MAGI1: variants seen among roughly 807,000 people sequenced by gnomAD.
MAGI1 encodes membrane associated guanylate kinase, WW and PDZ domain containing 1.
In MAGI1, 58 loss-of-function variants were observed where a neutral mutation model predicts 139.9. That is an observed-to-expected ratio of 0.41 (90% CI 0.34 to 0.52). The LOEUF (loss-of-function observed/expected upper bound fraction) is 0.52, where lower values mean the gene tolerates loss of function less well. Among genes scored for constraint, MAGI1 ranks in the 20% least tolerant of loss-of-function variants. The probability of loss-of-function intolerance (pLI) is 0.12; values close to 1 mark genes in which losing one functional copy is unlikely to be tolerated. For synonymous variants in MAGI1, 812 were observed against 737.9 expected (o/e 1.10, Z -1.63); for missense variants, 1,874 against 1,901.6 (o/e 0.99, Z 0.27).
chr3:65,439,829 T>G (rs760750974), intron 9 of MAGI1, 50 bp downstream of exon 9: 17 of 1,603,484 alleles, frequency 1.1e-5, no homozygotes, highest in Admixed American at 1.7e-5. Flanking sequence ...CGCTCAGATT[T>G]CACCCCATGC....
intron 2 of MAGI1, among the ~76,000 whole-genome samples, chr3:65,610,521 T>C (rs1369122349): frequency 6.6e-6 from 1 of 151,734 alleles, no homozygotes; most frequent in African/African-American, 2.4e-5. Flanking sequence ...GAAACAGATA[T>C]ATCTTTTTTT....
intron 2 of MAGI1, among the ~76,000 whole-genome samples, chr3:65,500,401 A>G (rs1559611961): frequency 6.6e-6 from 1 of 152,188 alleles, no homozygotes; most frequent in Non-Finnish European, 1.5e-5. Flanking sequence ...TTCATCCAGT[A>G]AAGCTTGAGT....
chr3:65,864,718 G>C (rs1024205528), intron 1 of MAGI1, among the ~76,000 whole-genome samples: 1 of 152,186 alleles, frequency 6.6e-6, no homozygotes, highest in Non-Finnish European at 1.5e-5. Context: ...CAGGCTGTGG[G>C]AGGAACACCA....
At position 65,750,850 on chromosome 3, in the gene MAGI1, G is replaced by A. The variant is rs147688567; in HGVS notation, c.314-128762C>T. Among the ~76,000 whole-genome samples the A allele has an allele frequency of 2.6e-3, 399 of 152,246 alleles. 1 individual carries two copies. The highest frequency in any genetic ancestry group is 9.0e-3 in the African/African-American group (374 of 41,536). ...TATTAACTCTTCTCAATCAACATAC[G>A]AAACATAGTACTACTTGAAATTTTT... is the stretch of plus-strand genomic sequence containing the variant. On this transcript the variant is annotated intron_variant, in intron 1 of 22. Transcript: ENST00000402939.
At chr3:65,394,262 A>G (rs946012131) in intron 13 of MAGI1, among the ~76,000 whole-genome samples, 6 of 152,188 alleles carry the variant, frequency 3.9e-5, no homozygotes, top group Non-Finnish European at 7.3e-5. Context: ...CACCTCCCCA[A>G]TAAATGACTC....
At chr3:65,931,488 A>G (rs1046004996) in intron 1 of MAGI1, among the ~76,000 whole-genome samples, 12 of 152,214 alleles carry the variant, frequency 7.9e-5, no homozygotes, top group African/African-American at 2.9e-4. Flanking sequence ...CAACATGGCG[A>G]AGCCCTGTGT....
At chr3:65,601,392 A>T (rs1559709324) in intron 2 of MAGI1, among the ~76,000 whole-genome samples, 1 of 152,234 alleles carries the variant, frequency 6.6e-6, no homozygotes, top group Non-Finnish European at 1.5e-5. Context: ...AATTCATAAT[A>T]AAATCTGCAG....
At chr3:65,434,957 G>C (rs1048300992) in intron 10 of MAGI1, among the ~76,000 whole-genome samples, 1 of 152,148 alleles carries the variant, frequency 6.6e-6, no homozygotes, top group Non-Finnish European at 1.5e-5. Context: ...GAGCCCACAT[G>C]ATGGGCTAAT....
chr3:65,738,815 T>A (rs2035009642), intron 1 of MAGI1, among the ~76,000 whole-genome samples: 2 of 152,166 alleles, frequency 1.3e-5, no homozygotes, highest in South Asian at 4.1e-4. Context: ...CTTAAAATAT[T>A]CAGTAAAACA....
chr3:65,403,757 A>C (rs1308831939), intron 12 of MAGI1, among the ~76,000 whole-genome samples: 2 of 152,196 alleles, frequency 1.3e-5, no homozygotes, highest in Non-Finnish European at 1.5e-5. Context: ...CTGATCTTCA[A>C]ATCCCTTCTC....
chr3:65,519,365 CACACACACACACACACACACAT>C lies in MAGI1; in HGVS notation c.431-25756_431-25735del, dbSNP rs1358418916. Among the ~76,000 whole-genome samples, 19 of 74,370 alleles carry C rather than the reference CACACACACACACACACACACAT, an allele frequency of 2.6e-4. 1 individual carries two copies. Among genetic ancestry groups the C allele is most frequent in the Admixed American group, 1.4e-3 (11 of 7,596 alleles). 48.8% of individuals were successfully genotyped at this position (74,370 alleles called of 152,430 possible). On this transcript the variant is annotated intron_variant, in intron 2 of 22. Transcript: ENST00000402939. The stretch of plus-strand genomic sequence containing the variant: ...ACACACACACACACACACACACACA[CACACACACACACACACACACAT>C]ATATATAATTTTTTTTTGGATGGAG...
intron 10 of MAGI1, among the ~76,000 whole-genome samples, chr3:65,432,577 A>G (rs1947541501): frequency 6.6e-6 from 1 of 152,290 alleles, no homozygotes; most frequent in Admixed American, 6.5e-5. Context: ...AGCTTATTGG[A>G]AGGTTGACAA....
chr3:65,598,294 G>A (rs2082322887), intron 2 of MAGI1, among the ~76,000 whole-genome samples: 1 of 152,186 alleles, frequency 6.6e-6, no homozygotes, highest in Admixed American at 6.5e-5. Flanking sequence ...GCATGGCCCT[G>A]TGGGAGCCCC....
In MAGI1 at chr3:65,890,292, G is replaced by A. The variant is rs764293015; in HGVS notation, c.313+147704C>T. On this transcript the variant is annotated intron_variant, in intron 1 of 22. Transcript: ENST00000402939. Reference sequence around the variant, plus strand: ...AGGCAGGAGAATGGCGTCAACCCAGGAGGCGGAGCTTGCAGTGAGCAGAGA... The same window carrying A: ...AGGCAGGAGAATGGCGTCAACCCAGAAGGCGGAGCTTGCAGTGAGCAGAGA... 3.3e-5 allele frequency among the ~76,000 whole-genome samples: 5 copies of A among 152,304 alleles called. No individual in the cohort carries two copies. In the East Asian group the frequency reaches 9.7e-4, roughly 29 times the overall value.
intron 1 of MAGI1, among the ~76,000 whole-genome samples, chr3:66,000,972 A>G (rs533405969): frequency 6.6e-6 from 1 of 152,256 alleles, no homozygotes; most frequent in Non-Finnish European, 1.5e-5. Flanking sequence ...GGCATGTATT[A>G]AGATATTATA....
At chr3:65,726,651 A>G (rs2033640126) in intron 1 of MAGI1, among the ~76,000 whole-genome samples, 2 of 152,140 alleles carry the variant, frequency 1.3e-5, no homozygotes, top group South Asian at 4.1e-4. Flanking sequence ...AGAAAGCTGT[A>G]ATTTCTCTAG....
chr3:65,448,009 A>G lies in MAGI1; in HGVS notation c.1078+13T>C. Reference sequence around the variant, plus strand: ...CACGTGTCATGCAGCAGCAGCAGGCAGGGAGGGTTTACCTAGTTCACTGTC... The same window carrying G: ...CACGTGTCATGCAGCAGCAGCAGGCGGGGAGGGTTTACCTAGTTCACTGTC... On this transcript the variant is annotated intron_variant, in intron 7 of 22. Transcript: ENST00000402939. 1 of 1,614,082 alleles carries G rather than the reference A, an allele frequency of 6.2e-7. No homozygotes were observed. Among genetic ancestry groups the G allele is most frequent in the Non-Finnish European group, 8.5e-7 (1 of 1,179,936 alleles).
chr3:66,025,477 T>G (rs1576503601), intron 1 of MAGI1, among the ~76,000 whole-genome samples: 1 of 151,980 alleles, frequency 6.6e-6, no homozygotes, highest in Non-Finnish European at 1.5e-5. Context: ...GAGATACAGG[T>G]GAGCCAAGAC....
chr3:65,606,060 A>C lies in MAGI1; in HGVS notation c.430+15912T>G, dbSNP rs986123787. Reference sequence around the variant, plus strand: ...ATGGACATATTTTTGCAGTTTGAGCACCTACTATGTGCCAGAGCCTCTCTT... The same window carrying C: ...ATGGACATATTTTTGCAGTTTGAGCCCCTACTATGTGCCAGAGCCTCTCTT... On this transcript the variant is annotated intron_variant, in intron 2 of 22. Coordinates refer to ENST00000402939, the MANE Select transcript of MAGI1 (RefSeq NM_001033057.2). Among the ~76,000 whole-genome samples the C allele has an allele frequency of 2.6e-5, 4 of 152,178 alleles. No homozygotes were observed. In the East Asian group the frequency reaches 7.7e-4, roughly 29 times the overall value.
Sources: allele counts gnomAD v4.1 joint callset (sites outside exome capture counted in the v4.1 genomes callset), GRCh38; gene constraint gnomAD v4.1.1; transcripts MANE v1.5; gene names NCBI Gene and HGNC (gene_info 2026-07-23, HGNC 2026-07-21).